KLF12: variants seen among roughly 807,000 people sequenced by gnomAD.
The protein encoded by KLF12 is Krueppel-like factor 12.
In KLF12, 9 loss-of-function variants were observed where a neutral mutation model predicts 37.8. The observed-to-expected ratio is 0.24, with a 90% CI of 0.14 to 0.42. KLF12 has a LOEUF of 0.42. KLF12 is among the 10% of genes least tolerant of loss of function. The pLI, the probability that KLF12 is intolerant of heterozygous loss-of-function variation, is 1.00. For missense variants in KLF12, 411 were observed against 516.0 expected (o/e 0.80, Z 1.97); for synonymous variants, 208 against 202.1 (o/e 1.03, Z -0.25).
At chr13:73,743,415 C>G (rs995007346) in intron 6 of KLF12, among the ~76,000 whole-genome samples, 2 of 152,180 alleles carry the variant, frequency 1.3e-5, no homozygotes, top group African/African-American at 4.8e-5. Context: ...GTCTAAAATT[C>G]TGCTGTCTGA....
At chr13:74,157,470 G>A in the KLF12 span, among the ~76,000 whole-genome samples, 42 of 152,258 alleles carry the variant, frequency 2.8e-4, no homozygotes, top group South Asian at 8.3e-3. Context: ...TAGACTTAAC[G>A]GTTTAACTTT....
At chr13:73,973,565 A>C (rs1464533839) in intron 2 of KLF12, among the ~76,000 whole-genome samples, 1 of 152,162 alleles carries the variant, frequency 6.6e-6, no homozygotes, top group Non-Finnish European at 1.5e-5. Context: ...CCAATTCTCA[A>C]AGTGTAGCTC....
the KLF12 span, among the ~76,000 whole-genome samples, chr13:74,267,017 G>A: frequency 1.3e-5 from 2 of 152,118 alleles, no homozygotes; most frequent in Non-Finnish European, 2.9e-5. Flanking sequence ...AGTCTCTTAA[G>A]GTTCAGGATA....
intron 1 of KLF12, among the ~76,000 whole-genome samples, chr13:74,002,392 C>T (rs776925647): frequency 5.9e-5 from 9 of 152,124 alleles, no homozygotes; most frequent in South Asian, 2.1e-4. Flanking sequence ...TTTATGTTTT[C>T]GAGACAGGGT....
intron 1 of KLF12, among the ~76,000 whole-genome samples, chr13:74,022,029 T>C (rs1461579810): frequency 6.6e-6 from 1 of 152,180 alleles, no homozygotes; most frequent in Non-Finnish European, 1.5e-5. Flanking sequence ...GAAGGCGGCT[T>C]TCATTCCAAG....
At chr13:74,053,977 T>C (rs1364931590) in intron 1 of KLF12, among the ~76,000 whole-genome samples, 3 of 152,180 alleles carry the variant, frequency 2.0e-5, no homozygotes, top group South Asian at 2.1e-4. Flanking sequence ...TAGAGGCATA[T>C]TTCTTAGTCG....
At chr13:74,012,137 A>G (rs1892566074) in intron 1 of KLF12, among the ~76,000 whole-genome samples, 1 of 152,212 alleles carries the variant, frequency 6.6e-6, no homozygotes, top group South Asian at 2.1e-4. Context: ...ATTTAGCACA[A>G]TCTTCAGCCC....
the KLF12 span, among the ~76,000 whole-genome samples, chr13:74,146,498 A>C: frequency 6.6e-6 from 1 of 152,210 alleles, no homozygotes; most frequent in Non-Finnish European, 1.5e-5. Flanking sequence ...CTGGGGAGAA[A>C]AACAGATTAG....
At chr13:73,717,338 G>C (rs1243033790) in intron 6 of KLF12, among the ~76,000 whole-genome samples, 1 of 152,176 alleles carries the variant, frequency 6.6e-6, no homozygotes, top group Non-Finnish European at 1.5e-5. Flanking sequence ...AAAACAGTGG[G>C]CTGTATTCTG....
the KLF12 span, among the ~76,000 whole-genome samples, chr13:74,152,416 C>T: frequency 7.2e-5 from 11 of 152,232 alleles, no homozygotes; most frequent in South Asian, 2.1e-4. Flanking sequence ...CCTTCAGGTT[C>T]GTACCCCACC....
At chr13:73,940,016 A>G (rs1319281997) in intron 3 of KLF12, among the ~76,000 whole-genome samples, 1 of 152,184 alleles carries the variant, frequency 6.6e-6, no homozygotes, top group Non-Finnish European at 1.5e-5. Context: ...GGAGATAGAA[A>G]ATAACTTCCC....
At chr13:73,918,004 G>A (rs1248601416) in intron 3 of KLF12, among the ~76,000 whole-genome samples, 4 of 151,688 alleles carry the variant, frequency 2.6e-5, no homozygotes, top group South Asian at 2.1e-4. Context: ...TCTAGCTAAG[G>A]GGTAGTCTTT....
At chr13:73,908,563 C>G (rs1888423214) in intron 3 of KLF12, among the ~76,000 whole-genome samples, 1 of 151,466 alleles carries the variant, frequency 6.6e-6, no homozygotes. Context: ...TCACTGCAAC[C>G]TCCACCTCCT....
intron 7 of KLF12, among the ~76,000 whole-genome samples, chr13:73,713,961 T>C (rs1875602571): frequency 6.6e-6 from 1 of 152,224 alleles, no homozygotes; most frequent in Non-Finnish European, 1.5e-5. Flanking sequence ...GGTCTAATCA[T>C]ACTTCCTGCC....
At chr13:73,993,950 G>C (rs1892037572) in intron 2 of KLF12, among the ~76,000 whole-genome samples, 1 of 152,136 alleles carries the variant, frequency 6.6e-6, no homozygotes, top group African/African-American at 2.4e-5. Context: ...CTCACTAAGT[G>C]AATGCACCCA....
chr13:74,271,755 C>A, the KLF12 span, among the ~76,000 whole-genome samples: 1 of 152,136 alleles, frequency 6.6e-6, no homozygotes, highest in East Asian at 1.9e-4. Context: ...TGAAGGTAGG[C>A]AAGTCAGGTA....
At chr13:74,109,811 G>GT (rs1876871016) in intron 1 of KLF12, among the ~76,000 whole-genome samples, 1 of 152,088 alleles carries the variant, frequency 6.6e-6, no homozygotes, top group South Asian at 2.1e-4. Flanking sequence ...CTACTATCAA[G>GT]TATCTATAGA....
At chr13:73,939,607 T>C (rs761423915) in intron 3 of KLF12, among the ~76,000 whole-genome samples, 8 of 152,140 alleles carry the variant, frequency 5.3e-5, no homozygotes, top group Non-Finnish European at 1.2e-4. Flanking sequence ...TCATGAGAAT[T>C]GCAGCAACAT....
the KLF12 span, among the ~76,000 whole-genome samples, chr13:74,246,497 T>C: frequency 1.3e-5 from 2 of 152,254 alleles, no homozygotes; most frequent in Admixed American, 1.3e-4. Context: ...AGCATTTGCC[T>C]TTTTAAAATA....
Sources: allele counts gnomAD v4.1 joint callset (sites outside exome capture counted in the v4.1 genomes callset), GRCh38; gene constraint gnomAD v4.1.1; transcripts MANE v1.5; gene names NCBI Gene and HGNC (gene_info 2026-07-23, HGNC 2026-07-21).